Variants in SLC25A17 observed in about 807,000 individuals in gnomAD.
SLC25A17 encodes the protein solute carrier family 25 member 17, also known as peroxisomal membrane protein PMP34.
A neutral mutation model predicts 38.5 loss-of-function variants in SLC25A17; 26 were observed. The observed-to-expected ratio is 0.68, with a 90% CI of 0.50 to 0.94. The LOEUF (loss-of-function observed/expected upper bound fraction) is 0.94. SLC25A17 is among the 40% of genes least tolerant of loss of function. SLC25A17 has a pLI of 0.00. For synonymous variants in SLC25A17, 139 were observed against 136.2 expected (o/e 1.02, Z -0.14); for missense variants, 333 against 372.7 (o/e 0.89, Z 0.88).
At chr22:40,810,423 C>T (rs1381819428) in intron 1 of SLC25A17, among the ~76,000 whole-genome samples, 1 of 150,808 alleles carries the variant, frequency 6.6e-6, no homozygotes, top group African/African-American at 2.4e-5. Context: ...TCTCAGCTCA[C>T]TGCAACCTCC....
At chr22:40,780,835 G>C (rs1459536814) in intron 4 of SLC25A17, among the ~76,000 whole-genome samples, 1 of 152,100 alleles carries the variant, frequency 6.6e-6, no homozygotes, top group African/African-American at 2.4e-5. Context: ...AAACACTTAG[G>C]AGGCAATGCA....
chr22:40,810,925 T>C (rs757167180), intron 1 of SLC25A17, among the ~76,000 whole-genome samples: 8 of 152,156 alleles, frequency 5.3e-5, no homozygotes, highest in Non-Finnish European at 1.0e-4. Context: ...CATTCCCTCT[T>C]TTTTTGTGGT....
chr22:40,784,585 C>T, intron 4 of SLC25A17: 1 of 258,426 alleles, frequency 3.9e-6, no homozygotes, highest in South Asian at 3.6e-5. Flanking sequence ...CCAGCCTGGG[C>T]AACACAGAAA....
In SLC25A17 at chr22:40,819,175, G is replaced by C; in HGVS notation, c.54+20C>G. The C allele has an allele frequency of 6.2e-7, 1 of 1,613,256 alleles. No individual in the cohort carries two copies. The highest frequency in any genetic ancestry group is 8.5e-7 in the Non-Finnish European group (1 of 1,179,836). Reference sequence around the variant, plus strand: ...AGCCTTATAACCCGTTGCGGCCCGGGCGTAAAGACCCCGTCTCACCACGGC... The same window carrying C: ...AGCCTTATAACCCGTTGCGGCCCGGCCGTAAAGACCCCGTCTCACCACGGC... On this transcript the variant is annotated intron_variant, in intron 1 of 8. Transcript: ENST00000435456.
chr22:40,816,992 A>G (rs2057647808), intron 1 of SLC25A17, among the ~76,000 whole-genome samples: 1 of 152,220 alleles, frequency 6.6e-6, no homozygotes, highest in Non-Finnish European at 1.5e-5. Context: ...CCTTGCACCT[A>G]GAACAGCGTG....
chr22:40,803,820 G>GTTT (rs772323398), intron 1 of SLC25A17, among the ~76,000 whole-genome samples: 1 of 117,444 alleles, frequency 8.5e-6, no homozygotes, highest in Non-Finnish European at 1.9e-5. Flanking sequence ...GCTAGTTTTT[G>GTTT]TTTTTTTTTT....
intron 8 of SLC25A17, among the ~76,000 whole-genome samples, chr22:40,773,410 C>CAAAAAAAAAA (rs59479764): frequency 1.3e-5 from 1 of 74,338 alleles, no homozygotes; most frequent in African/African-American, 5.4e-5. Context: ...ACTCTGTCTC[C>CAAAAAAAAAA]AAAAAAAAAA....
rs559959785 is a variant in SLC25A17 at position 40,777,856 on chromosome 22, A to C, written c.452-483T>G. 1.4e-4 allele frequency among the ~76,000 whole-genome samples: 21 copies of C among 151,940 alleles called. No homozygotes were observed. The South Asian group carries it at 4.4e-3, about 32-fold the overall frequency. The stretch of plus-strand genomic sequence containing the variant: ...AAGTTTATCGGTTAATTACTTTTTG[A>C]TAATCAGACATTGACAGTCACCAAG... On this transcript the variant is annotated intron_variant, in intron 5 of 8. Transcript: ENST00000435456.
At chr22:40,800,721 T>C (rs565444682) in intron 1 of SLC25A17, among the ~76,000 whole-genome samples, 1 of 150,380 alleles carries the variant, frequency 6.6e-6, no homozygotes, top group Non-Finnish European at 1.5e-5. Flanking sequence ...AATCATGAGG[T>C]AGAGGTTGCA....
intron 4 of SLC25A17, among the ~76,000 whole-genome samples, chr22:40,783,691 T>C (rs2057312875): frequency 6.6e-6 from 1 of 151,988 alleles, no homozygotes; most frequent in African/African-American, 2.4e-5. Context: ...AACACCATAC[T>C]ATCTAAAATG....
At position 40,779,061 on chromosome 22, in the gene SLC25A17, T is replaced by C. The variant is rs6002130; in HGVS notation, c.399A>G (p.Gly133=). The C allele has an allele frequency of 6.5e-4, 1,051 of 1,614,202 alleles. 9 individuals carry two copies. The African/African-American group carries it at 0.013, about 19-fold the overall frequency. ...CAATGTCTTCATTCCTAAATTTTGC[T>C]CCTTGAAGCTTCAGTCTGGTGTTTA... ...WVVNTRLKLQ[G]AKFRNEDIVP... The change falls in exon 5 of 9, where the codon GGA becomes GGG. Residue 133 remains glycine (G), a synonymous_variant. Transcript: ENST00000435456.
At chr22:40,816,497 A>C (rs2057640818) in intron 1 of SLC25A17, among the ~76,000 whole-genome samples, 1 of 151,856 alleles carries the variant, frequency 6.6e-6, no homozygotes. Flanking sequence ...AGCCTAAAAT[A>C]TTTCCCATCT....
intron 1 of SLC25A17, 133 bp from the exon 2 acceptor site, chr22:40,799,216 G>A (rs2057459183): frequency 4.9e-6 from 3 of 612,288 alleles, no homozygotes; most frequent in East Asian, 2.8e-5. Context: ...GAACTCTTGG[G>A]CTCAAGTGAT....
At chr22:40,775,852 T>C (rs186129411) in intron 7 of SLC25A17, among the ~76,000 whole-genome samples, 1 of 152,324 alleles carries the variant, frequency 6.6e-6, no homozygotes, top group Non-Finnish European at 1.5e-5. Flanking sequence ...CCTTCCACCA[T>C]GATTGTAAGT....
At chr22:40,792,796 C>A in intron 3 of SLC25A17, 120 bp from the exon 4 acceptor site, 1 of 897,654 alleles carries the variant, frequency 1.1e-6, no homozygotes, top group Admixed American at 2.6e-5. Flanking sequence ...TACACGAATA[C>A]AAGGGACTCC....
intron 1 of SLC25A17, among the ~76,000 whole-genome samples, chr22:40,806,006 A>T (rs570648989): frequency 2.6e-5 from 4 of 152,238 alleles, no homozygotes; most frequent in Non-Finnish European, 5.9e-5. Flanking sequence ...AGGCAGTACC[A>T]GTCCCAGCTA....
At position 40,773,967 on chromosome 22, in the gene SLC25A17, T is replaced by C. The variant is rs2057214010; in HGVS notation, c.746A>G (p.Asn249Ser). ...TCGTTGGTGAAGAAGATAGAGAATA[T>C]TCCGAAGACTTCCCAATGTTCTGTT... is the stretch of plus-strand genomic sequence containing the variant. ...PENRTLGSLR[N>S]ILYLLHQRVR... The change falls in exon 8 of 9, where the codon AAT (asparagine) becomes AGT (serine). Residue 249 changes from asparagine to serine, a missense_variant. Transcript: ENST00000435456. 1 of 1,613,148 alleles carries C rather than the reference T, an allele frequency of 6.2e-7. No individual in the cohort carries two copies.
intron 5 of SLC25A17, among the ~76,000 whole-genome samples, chr22:40,777,948 C>A (rs1025161094): frequency 3.3e-5 from 5 of 152,186 alleles, no homozygotes; most frequent in Non-Finnish European, 5.9e-5. Context: ...AAGTCATTAT[C>A]ACCATCACTG....
chr22:40,777,085 G>A lies in SLC25A17; in HGVS notation c.648C>T (p.Ala216=). ...TCTGCAGGGGATAGGTCACCGTGGT[G>A]GCAATCGCTTTGGCTACTGCACCAA... ...FIIGAVAKAI[A]TTVTYPLQTV... The change falls in exon 7 of 9, where the codon GCC becomes GCT. Residue 216 remains alanine, a synonymous_variant. Transcript: ENST00000435456. 6.2e-7 allele frequency: 1 copy of A among 1,614,150 alleles called. No homozygotes were observed.
Sources: allele counts gnomAD v4.1 joint callset (sites outside exome capture counted in the v4.1 genomes callset), GRCh38; gene constraint gnomAD v4.1.1; transcripts MANE v1.5; gene names NCBI Gene and HGNC (gene_info 2026-07-23, HGNC 2026-07-21).